Variants in SPOCK3 observed in about 807,000 individuals in gnomAD.
SPOCK3 encodes SPARC (osteonectin), cwcv and kazal like domains proteoglycan 3.
Under a neutral mutation model 56.6 loss-of-function variants are expected in SPOCK3, and 30 were observed. The ratio of observed to expected loss-of-function variants is 0.53; its 90% CI spans 0.40 to 0.72. SPOCK3 has a LOEUF of 0.72. SPOCK3 is among the 30% of genes least tolerant of loss of function. SPOCK3 has a pLI of 0.00. For synonymous variants in SPOCK3, 196 were observed against 183.3 expected (o/e 1.07, Z -0.56); for missense variants, 527 against 530.0 (o/e 0.99, Z 0.06).
At chr4:166,938,649 C>T (rs1360537563) in intron 4 of SPOCK3, among the ~76,000 whole-genome samples, 1 of 151,408 alleles carries the variant, frequency 6.6e-6, no homozygotes, top group Non-Finnish European at 1.5e-5. Context: ...CATGCACACA[C>T]AGGAGACAGG....
chr4:166,967,844 G>C (rs1579836813), intron 4 of SPOCK3, among the ~76,000 whole-genome samples: 1 of 152,200 alleles, frequency 6.6e-6, no homozygotes, highest in African/African-American at 2.4e-5. Context: ...AGACAGAAAG[G>C]TGAGGGAAAG....
chr4:166,967,865 C>T (rs1744918865), intron 4 of SPOCK3, among the ~76,000 whole-genome samples: 2 of 152,128 alleles, frequency 1.3e-5, no homozygotes, highest in Non-Finnish European at 2.9e-5. Context: ...TTTGGAACTT[C>T]CTAGAGACTT....
At chr4:167,093,962 T>C (rs1758927966) in intron 2 of SPOCK3, among the ~76,000 whole-genome samples, 1 of 152,168 alleles carries the variant, frequency 6.6e-6, no homozygotes, top group African/African-American at 2.4e-5. Flanking sequence ...TATTATAGCA[T>C]GCATGTACAG....
intron 4 of SPOCK3, among the ~76,000 whole-genome samples, chr4:166,993,159 T>A (rs952282849): frequency 1.3e-5 from 2 of 152,170 alleles, no homozygotes; most frequent in African/African-American, 4.8e-5. Flanking sequence ...GAAGGATCTC[T>A]ACTCAGATCC....
intron 3 of SPOCK3, among the ~76,000 whole-genome samples, chr4:167,061,065 A>ATC (rs1329223846): frequency 1.3e-5 from 2 of 152,032 alleles, no homozygotes; most frequent in Non-Finnish European, 2.9e-5. Flanking sequence ...AAGCAAATCA[A>ATC]TCTTGTATCA....
At chr4:167,055,067 A>G (rs1013853572) in intron 3 of SPOCK3, among the ~76,000 whole-genome samples, 1 of 152,190 alleles carries the variant, frequency 6.6e-6, no homozygotes, top group Non-Finnish European at 1.5e-5. Context: ...TGGATATATT[A>G]ATAGTTAAAA....
intron 3 of SPOCK3, among the ~76,000 whole-genome samples, chr4:167,032,501 T>TA (rs1274749384): frequency 1.3e-5 from 2 of 151,908 alleles, no homozygotes; most frequent in Non-Finnish European, 2.9e-5. Context: ...TCTTCATCTG[T>TA]AAAATCACAT....
intron 2 of SPOCK3, among the ~76,000 whole-genome samples, chr4:167,196,089 T>C (rs927846568): frequency 6.6e-6 from 1 of 152,208 alleles, no homozygotes; most frequent in Non-Finnish European, 1.5e-5. Flanking sequence ...AATTGTATCA[T>C]ACAGAGCATA....
intron 2 of SPOCK3, among the ~76,000 whole-genome samples, chr4:167,067,799 A>G (rs900143860): frequency 6.6e-6 from 1 of 151,858 alleles, no homozygotes; most frequent in African/African-American, 2.4e-5. Context: ...ACTACACCCA[A>G]AAAGGAGACA....
chr4:167,122,127 C>A (rs1357150582), intron 2 of SPOCK3, among the ~76,000 whole-genome samples: 1 of 117,170 alleles, frequency 8.5e-6, no homozygotes, highest in South Asian at 2.9e-4. Context: ...TTTCTTTTTT[C>A]TTTTGTTGTC....
intron 4 of SPOCK3, among the ~76,000 whole-genome samples, chr4:166,986,271 C>T (rs1331437356): frequency 1.3e-5 from 2 of 152,076 alleles, no homozygotes; most frequent in Non-Finnish European, 2.9e-5. Flanking sequence ...TTACTCATAG[C>T]AAGGATGCTA....
intron 7 of SPOCK3, among the ~76,000 whole-genome samples, chr4:166,762,111 T>A (rs1459644534): frequency 6.6e-6 from 1 of 150,818 alleles, no homozygotes; most frequent in African/African-American, 2.4e-5. Flanking sequence ...TTGTTTAAAT[T>A]CTCTTGTAAA....
intron 3 of SPOCK3, among the ~76,000 whole-genome samples, chr4:167,036,286 G>A (rs543984445): frequency 9.9e-5 from 15 of 152,050 alleles, no homozygotes; most frequent in Admixed American, 7.9e-4. Flanking sequence ...CCTTATCTGC[G>A]TTTTTTCTCT....
chr4:166,823,873 A>T (rs137956672), intron 6 of SPOCK3, among the ~76,000 whole-genome samples: 2 of 152,222 alleles, frequency 1.3e-5, no homozygotes, highest in African/African-American at 4.8e-5. Context: ...CCATTATTTT[A>T]GAAAATAGCC....
intron 2 of SPOCK3, among the ~76,000 whole-genome samples, chr4:167,101,529 C>G (rs541162470): frequency 6.6e-6 from 1 of 151,938 alleles, no homozygotes; most frequent in African/African-American, 2.4e-5. Flanking sequence ...ATTATGCTTG[C>G]TAATTACCAA....
chr4:167,108,994 A>T (rs1344583855), intron 2 of SPOCK3, among the ~76,000 whole-genome samples: 1 of 78,178 alleles, frequency 1.3e-5, no homozygotes, highest in Admixed American at 2.0e-4. Context: ...ATATATATTT[A>T]TATATATATA....
At chr4:166,796,130 C>G (rs1176431040) in intron 6 of SPOCK3, among the ~76,000 whole-genome samples, 2 of 152,162 alleles carry the variant, frequency 1.3e-5, no homozygotes, top group African/African-American at 4.8e-5. Flanking sequence ...TGATCTTGCA[C>G]TTCCAGTCTC....
intron 2 of SPOCK3, among the ~76,000 whole-genome samples, chr4:167,086,772 T>C (rs1011153039): frequency 6.6e-5 from 10 of 152,118 alleles, no homozygotes; most frequent in Non-Finnish European, 1.3e-4. Context: ...AAAAGCTCCC[T>C]AAAAACAACC....
Position 166,842,200 on chromosome 4 carries a change from A to G in SPOCK3, c.589+46930T>C, listed in dbSNP as rs570261602. On this transcript the variant is annotated intron_variant, in intron 6 of 10. Transcript: ENST00000357545. ...GCAGCAAGATTTATTGCAAAGAACA[A>G]AAGAACAAAGCTTCCACGGTGAGGA... is the stretch of plus-strand genomic sequence containing the variant. Among the ~76,000 whole-genome samples the G allele has an allele frequency of 3.3e-5, 5 of 152,314 alleles. No homozygotes were observed. The South Asian group carries it at 8.3e-4, about 25-fold the overall frequency.
Sources: gnomAD v4.1 joint callset for allele counts (sites outside exome capture counted in the v4.1 genomes callset) on GRCh38, gnomAD v4.1.1 for gene constraint, MANE v1.5 for transcripts, NCBI Gene and HGNC (gene_info 2026-07-23, HGNC 2026-07-21) for gene names.